The following SASH1 variants were observed in gnomAD, a reference collection of about 807,000 sequenced individuals.
SASH1 encodes the protein SAM and SH3 domain containing 1.
In SASH1, 44 loss-of-function variants were observed where a neutral mutation model predicts 125.2. That is an observed-to-expected ratio of 0.35 (90% CI 0.28 to 0.45). SASH1 has a LOEUF of 0.45. SASH1 is among the 20% of genes least tolerant of loss of function. SASH1 has a pLI of 1.00. For missense variants in SASH1, 1,426 were observed against 1,614.5 expected, an observed-to-expected ratio of 0.88 and a Z score of 2.00; for synonymous variants, 639 against 649.1, an observed-to-expected ratio of 0.98 and a Z score of 0.24.
intron 4 of SASH1, among the ~76,000 whole-genome samples, chr6:148,449,074 A>ATTTTTTTTT (rs1562419990): frequency 3.1e-5 from 1 of 32,744 alleles, no homozygotes; most frequent in Non-Finnish European, 6.4e-5. Context: ...ATTTCATTTC[A>ATTTTTTTTT]TTTCTTTTTT....
At chr6:148,295,447 G>A (rs563406046) in intron 1 of SASH1, among the ~76,000 whole-genome samples, 1 of 152,316 alleles carries the variant, frequency 6.6e-6, no homozygotes, top group South Asian at 2.1e-4. Flanking sequence ...TGAACAGAAT[G>A]GATGCATTAT....
intron 2 of SASH1, among the ~76,000 whole-genome samples, chr6:148,428,641 A>AAAAAAAAAAAAAG: frequency 6.6e-6 from 1 of 151,226 alleles, no homozygotes; most frequent in Non-Finnish European, 1.5e-5. Context: ...AAAAAAAAAA[A>AAAAAAAAAAAAAG]AGAGAATATA....
At chr6:148,255,925 A>G in the SASH1 span, among the ~76,000 whole-genome samples, 1 of 152,332 alleles carries the variant, frequency 6.6e-6, no homozygotes, top group Non-Finnish European at 1.5e-5. Flanking sequence ...TACAAGCCTG[A>G]GACACCATGC....
At chr6:148,546,749 T>C (rs568066540) in intron 19 of SASH1, among the ~76,000 whole-genome samples, 1 of 152,278 alleles carries the variant, frequency 6.6e-6, no homozygotes, top group South Asian at 2.1e-4. Flanking sequence ...ACACCATAAA[T>C]ACACACAATT....
intron 2 of SASH1, among the ~76,000 whole-genome samples, chr6:148,413,555 G>A (rs1784706749): frequency 2.6e-5 from 4 of 152,112 alleles, no homozygotes; most frequent in Admixed American, 1.3e-4. Context: ...TGTGGAATGC[G>A]GGCTCAAGAG....
intron 1 of SASH1, among the ~76,000 whole-genome samples, chr6:148,298,770 AAAAAGAAAGAAC>A (rs1402547147): frequency 1.1e-5 from 1 of 93,152 alleles, no homozygotes; most frequent in Admixed American, 9.6e-5. Flanking sequence ...GAGAGAAAGA[AAAAAGAAAGAAC>A]AAAAGAAAGA....
intron 1 of SASH1, among the ~76,000 whole-genome samples, chr6:148,286,717 A>G (rs1486018671): frequency 6.6e-6 from 1 of 151,982 alleles, no homozygotes; most frequent in Non-Finnish European, 1.5e-5. Context: ...CACCCTAGTG[A>G]CTCATTTTAA....
chr6:148,196,705 G>T, the SASH1 span, among the ~76,000 whole-genome samples: 1 of 152,200 alleles, frequency 6.6e-6, no homozygotes, highest in Non-Finnish European at 1.5e-5. Context: ...AAATATAATT[G>T]TGAGATAAGA....
chr6:148,417,621 C>A lies in SASH1; in HGVS notation c.286-22563C>A, dbSNP rs1388823511. ...AATAAATAAATAAAAGAGCATGTAT[C>A]CCATAGTCAAATCAGATAGACTCCA... On this transcript the variant is annotated intron_variant, in intron 2 of 19. Coordinates refer to ENST00000367467, the MANE Select transcript of SASH1 (RefSeq NM_015278.5). Among the ~76,000 whole-genome samples, 4 of 116,602 alleles carry A rather than the reference C, an allele frequency of 3.4e-5. No homozygotes were observed. In the East Asian group the frequency reaches 8.3e-4, roughly 24 times the overall value. The allele number at this position is 116,602 out of a possible 152,430, so 76.5% of individuals were successfully genotyped here.
At chr6:148,314,460 A>C (rs958335146) in intron 1 of SASH1, among the ~76,000 whole-genome samples, 1 of 152,212 alleles carries the variant, frequency 6.6e-6, no homozygotes, top group East Asian at 1.9e-4. Context: ...ATTAGATCAG[A>C]TTTGAAAACA....
chr6:148,410,272 A>G (rs1784570384), intron 2 of SASH1, among the ~76,000 whole-genome samples: 1 of 151,334 alleles, frequency 6.6e-6, no homozygotes, highest in Admixed American at 6.6e-5. Context: ...CACCACGCCC[A>G]GCTAATTTTT....
intron 1 of SASH1, among the ~76,000 whole-genome samples, chr6:148,379,560 C>T (rs1331842039): frequency 6.6e-6 from 1 of 152,134 alleles, no homozygotes; most frequent in Non-Finnish European, 1.5e-5. Context: ...TTTTATGGCA[C>T]TCTCAGGAAA....
intron 1 of SASH1, among the ~76,000 whole-genome samples, chr6:148,362,065 A>T (rs541635094): frequency 1.9e-4 from 27 of 143,974 alleles, no homozygotes; most frequent in African/African-American, 5.4e-4. Context: ...AGACGCCCAC[A>T]ACCACGCCCA....
chr6:148,526,850 T>C (rs79888046), intron 11 of SASH1, among the ~76,000 whole-genome samples: 20,625 of 150,644 alleles, frequency 0.14, 1,418 homozygotes, highest in Middle Eastern at 0.26. Context: ...TACATGAACA[T>C]TGGTTCATGT....
At chr6:148,509,346 A>C (rs1354033124) in intron 8 of SASH1, 1 of 155,084 alleles carries the variant, frequency 6.4e-6, no homozygotes, top group South Asian at 2.0e-4. Flanking sequence ...AGGCAAGTAC[A>C]TTTCCAGTTT....
the SASH1 span, among the ~76,000 whole-genome samples, chr6:148,194,943 G>A: frequency 1.3e-5 from 2 of 152,202 alleles, no homozygotes; most frequent in African/African-American, 2.4e-5. Context: ...TATCTCTGAT[G>A]TCTTAAATTA....
the SASH1 span, among the ~76,000 whole-genome samples, chr6:148,243,572 G>A: frequency 1.3e-5 from 2 of 148,278 alleles, no homozygotes; most frequent in Non-Finnish European, 3.0e-5. Context: ...AAACCCAGGA[G>A]GTGGAGGTTG....
intron 1 of SASH1, among the ~76,000 whole-genome samples, chr6:148,313,267 GTCTTAGTAT>G (rs1320674147): frequency 6.6e-6 from 1 of 152,174 alleles, no homozygotes; most frequent in Non-Finnish European, 1.5e-5. Flanking sequence ...CCATTCTGGT[GTCTTAGTAT>G]TCACCCGGAG....
At position 148,550,320 on chromosome 6, in the gene SASH1, A is replaced by G. The variant is rs1391214031; in HGVS notation, c.*1762A>G. 6.6e-6 allele frequency: 1 copy of G among 152,228 alleles called. No individual in the cohort carries two copies. The highest frequency in any genetic ancestry group is 1.5e-5 in the Non-Finnish European group (1 of 68,042). 9.4% of individuals were successfully genotyped at this position (152,228 alleles called of 1,614,324 possible). A position where few individuals can be genotyped will look rare whatever the true frequency, so the allele number is the denominator to read the frequency against. ...CTTGACCACAAGCCCTTGATTGAACATTTTATAATATTTCATCTACTTATT... is the reference window on the plus strand; with the variant it reads ...CTTGACCACAAGCCCTTGATTGAACGTTTTATAATATTTCATCTACTTATT... On this transcript the variant is annotated 3_prime_UTR_variant, in exon 20 of 20. Coordinates refer to ENST00000367467, the MANE Select transcript of SASH1 (RefSeq NM_015278.5).
Sources: allele counts gnomAD v4.1 joint callset (sites outside exome capture counted in the v4.1 genomes callset), GRCh38; gene constraint gnomAD v4.1.1; transcripts MANE v1.5; gene names NCBI Gene and HGNC (gene_info 2026-07-23, HGNC 2026-07-21).